The following CFAP77 variants were observed in gnomAD, a reference collection of about 807,000 sequenced individuals.
CFAP77 encodes cilia and flagella associated protein 77.
In CFAP77, 25 loss-of-function variants were observed where a neutral mutation model predicts 31.1. The observed-to-expected ratio is 0.80, with a 90% CI of 0.59 to 1.12. CFAP77 has a LOEUF of 1.12. Among genes scored for constraint, CFAP77 ranks in the 50% most tolerant of loss-of-function variants. CFAP77 has a pLI of 0.00. For missense variants in CFAP77, 377 were observed against 397.3 expected (o/e 0.95, Z 0.44); for synonymous variants, 151 against 159.9 (o/e 0.94, Z 0.42).
At chr9:132,430,663 A>G (rs1289065437) in intron 1 of CFAP77, among the ~76,000 whole-genome samples, 1 of 152,202 alleles carries the variant, frequency 6.6e-6, no homozygotes, top group Non-Finnish European at 1.5e-5. Context: ...CTGGGACCTC[A>G]GTCAATATGT....
At chr9:132,571,933 T>C (rs1429263205) in intron 5 of CFAP77, among the ~76,000 whole-genome samples, 2 of 151,676 alleles carry the variant, frequency 1.3e-5, no homozygotes, top group South Asian at 2.1e-4. Context: ...TCTGGTGATA[T>C]TGAAGTTCAG....
intron 3 of CFAP77, among the ~76,000 whole-genome samples, chr9:132,522,826 C>A (rs1344241379): frequency 6.6e-6 from 1 of 152,184 alleles, no homozygotes; most frequent in Non-Finnish European, 1.5e-5. Flanking sequence ...CGGTGTGGAC[C>A]TGTGCATGGT....
chr9:132,481,764 G>A lies in CFAP77; in HGVS notation c.196-16931G>A, dbSNP rs916592090. ...GCTTCGTTTTAGGGACGCCTCCTCC[G>A]CCTCAGCTATCTGCTATGCTAACAG... On this transcript the variant is annotated intron_variant, in intron 1 of 5. Coordinates refer to ENST00000393216, the MANE Select transcript of CFAP77 (RefSeq NM_001282957.2). This position sits in a 1 kb window ranked among gnomAD's most constrained non-coding sequence, Gnocchi z 5.0. 6.6e-6 allele frequency among the ~76,000 whole-genome samples: 1 copy of A among 152,122 alleles called. No individual in the cohort carries two copies. The highest frequency in any genetic ancestry group is 2.4e-5 in the African/African-American group (1 of 41,416).
At chr9:132,419,792 T>C (rs1850178132) in intron 1 of CFAP77, among the ~76,000 whole-genome samples, 1 of 151,990 alleles carries the variant, frequency 6.6e-6, no homozygotes, top group Admixed American at 6.6e-5. Context: ...ACACAAGAGG[T>C]TGAAGACTTT....
At chr9:132,542,065 T>C (rs995416651) in intron 4 of CFAP77, among the ~76,000 whole-genome samples, 2 of 152,206 alleles carry the variant, frequency 1.3e-5, no homozygotes, top group Admixed American at 1.3e-4. Context: ...TGAGACCCTG[T>C]GAGCTCATGC....
intron 1 of CFAP77, among the ~76,000 whole-genome samples, chr9:132,462,338 G>A (rs540151576): frequency 2.6e-5 from 4 of 152,232 alleles, no homozygotes; most frequent in Non-Finnish European, 4.4e-5. Context: ...GTTTTTCCAC[G>A]ATGAGGTGCT....
intron 5 of CFAP77, among the ~76,000 whole-genome samples, chr9:132,551,450 C>G (rs1215053237): frequency 6.6e-6 from 1 of 152,182 alleles, no homozygotes; most frequent in Non-Finnish European, 1.5e-5. Context: ...CATCCGCCAC[C>G]ACGCCCGGCT....
intron 1 of CFAP77, among the ~76,000 whole-genome samples, chr9:132,448,720 G>A (rs1277583293): frequency 3.3e-5 from 5 of 152,164 alleles, no homozygotes; most frequent in African/African-American, 1.2e-4. Context: ...CTGAGTAGCT[G>A]GGATTGCAGG....
At chr9:132,420,172 A>G (rs923000695) in intron 1 of CFAP77, among the ~76,000 whole-genome samples, 2 of 151,394 alleles carry the variant, frequency 1.3e-5, no homozygotes, top group Admixed American at 6.6e-5. Context: ...AAAAAAAAAA[A>G]AAGGTGGAAG....
At chr9:132,445,221 G>T (rs543805856) in intron 1 of CFAP77, among the ~76,000 whole-genome samples, 1 of 152,018 alleles carries the variant, frequency 6.6e-6, no homozygotes, top group Non-Finnish European at 1.5e-5. Context: ...TGATCTGCCC[G>T]CCTCAGCCTC....
chr9:132,434,877 G>A (rs969701345), intron 1 of CFAP77, among the ~76,000 whole-genome samples: 2 of 152,130 alleles, frequency 1.3e-5, no homozygotes, highest in African/African-American at 2.4e-5. Flanking sequence ...TCAGATGCAC[G>A]CTCTGCCTGG....
At chr9:132,425,042 C>T (rs996772489) in intron 1 of CFAP77, among the ~76,000 whole-genome samples, 7 of 152,160 alleles carry the variant, frequency 4.6e-5, no homozygotes, top group African/African-American at 4.8e-5. Context: ...CTCAGGGCGG[C>T]GGGAGGGATT....
Position 132,424,002 on chromosome 9 carries a change from A to T in CFAP77, c.195+13536A>T, listed in dbSNP as rs1389070128. On this transcript the variant is annotated intron_variant, in intron 1 of 5. Coordinates refer to ENST00000393216, the MANE Select transcript of CFAP77 (RefSeq NM_001282957.2). The surrounding 1 kb of genome is among the most constrained non-coding windows in gnomAD (Gnocchi z 4.1). Reference sequence around the variant, plus strand: ...GGGATATGTTTTCTGTTCTCCAAGGACCTTACAGTCTAGTTGGGCAGAAAA... The same window carrying T: ...GGGATATGTTTTCTGTTCTCCAAGGTCCTTACAGTCTAGTTGGGCAGAAAA... Among the ~76,000 whole-genome samples, 2 of 152,128 alleles carry T rather than the reference A, an allele frequency of 1.3e-5. No individual in the cohort carries two copies. The highest frequency in any genetic ancestry group is 2.9e-5 in the Non-Finnish European group (2 of 68,012).
At chr9:132,567,344 A>AGATGGATG (rs539773129) in intron 5 of CFAP77, among the ~76,000 whole-genome samples, 2 of 152,362 alleles carry the variant, frequency 1.3e-5, no homozygotes, top group South Asian at 4.1e-4. Context: ...AATATTTTTT[A>AGATGGATG]GATGGATGGA....
chr9:132,545,874 T>C lies in CFAP77; in HGVS notation c.732+2827T>C, dbSNP rs1852721066. On this transcript the variant is annotated intron_variant, in intron 5 of 5. Coordinates refer to ENST00000393216, the MANE Select transcript of CFAP77 (RefSeq NM_001282957.2). The surrounding 1 kb of genome is among the most constrained non-coding windows in gnomAD (Gnocchi z 4.6). ...AGCCCCAGGGCCTCCCGAGGACCCCTTCCCTCACCTCCAGGCCCCACCCAC... is the reference window on the plus strand; with the variant it reads ...AGCCCCAGGGCCTCCCGAGGACCCCCTCCCTCACCTCCAGGCCCCACCCAC... Among the ~76,000 whole-genome samples, 2 of 152,052 alleles carry C rather than the reference T, an allele frequency of 1.3e-5. No homozygotes were observed. The highest frequency in any genetic ancestry group is 2.1e-4 in the South Asian group (1 of 4,822).
intron 1 of CFAP77, among the ~76,000 whole-genome samples, chr9:132,451,508 C>T (rs1850826876): frequency 6.6e-6 from 1 of 152,120 alleles, no homozygotes; most frequent in African/African-American, 2.4e-5. Flanking sequence ...ATATCCTGCA[C>T]TGTGAGGTGT....
At chr9:132,446,250 C>G (rs550229833) in intron 1 of CFAP77, among the ~76,000 whole-genome samples, 3 of 152,092 alleles carry the variant, frequency 2.0e-5, no homozygotes, top group East Asian at 3.9e-4. Context: ...AGAGTCTGCT[C>G]GGTCGTGCCA....
intron 3 of CFAP77, among the ~76,000 whole-genome samples, chr9:132,519,522 A>ATGGATGGATG (rs1852218039): frequency 3.5e-4 from 3 of 8,454 alleles, no homozygotes; most frequent in South Asian, 5.4e-3. Context: ...GTGGGTGGGT[A>ATGGATGGATG]GATGGATGGA....
chr9:132,475,851 G>A (rs1724802301), intron 1 of CFAP77, among the ~76,000 whole-genome samples: 2 of 152,140 alleles, frequency 1.3e-5, no homozygotes, highest in Admixed American at 1.3e-4. Flanking sequence ...TTCCCAAACT[G>A]CAGTACTGAT....
Sources: allele counts gnomAD v4.1 joint callset (sites outside exome capture counted in the v4.1 genomes callset), GRCh38; gene constraint gnomAD v4.1.1; non-coding constraint Gnocchi (gnomAD v3.1); transcripts MANE v1.5; gene names NCBI Gene and HGNC (gene_info 2026-07-23, HGNC 2026-07-21).